The following GLCCI1 variants were observed in gnomAD, a reference collection of about 807,000 sequenced individuals.
GLCCI1 encodes glucocorticoid-induced transcript 1 protein.
A neutral mutation model predicts 52.2 loss-of-function variants in GLCCI1; 24 were observed. That is an observed-to-expected ratio of 0.46 (90% CI 0.33 to 0.65). The LOEUF (loss-of-function observed/expected upper bound fraction) is 0.65. Ranked by LOEUF, GLCCI1 falls within the 30% of genes least tolerant of loss-of-function variation. GLCCI1 has a pLI of 0.02. For missense variants in GLCCI1, 704 were observed against 701.5 expected, an observed-to-expected ratio of 1.00 and a Z score of -0.04; for synonymous variants, 310 against 276.5, an observed-to-expected ratio of 1.12 and a Z score of -1.20.
chr7:8,049,766 ACATT>A (rs1782216394), intron 3 of GLCCI1, among the ~76,000 whole-genome samples: 1 of 152,184 alleles, frequency 6.6e-6, no homozygotes, highest in African/African-American at 2.4e-5. Context: ...TTACAGTTGA[ACATT>A]CACACAGTAT....
intron 6 of GLCCI1, chr7:8,084,693 A>G (rs1238425852): frequency 6.1e-6 from 3 of 490,304 alleles, no homozygotes; most frequent in Non-Finnish European, 1.1e-5. Flanking sequence ...TTTATGTTCT[A>G]TGGTGTGGCA....
intron 2 of GLCCI1, among the ~76,000 whole-genome samples, chr7:8,017,774 C>G (rs574143418): frequency 1.3e-5 from 2 of 152,230 alleles, no homozygotes; most frequent in South Asian, 4.1e-4. Context: ...CTGCCTTTTT[C>G]TACACTCTTT....
chr7:8,017,076 A>G (rs1781394034), intron 2 of GLCCI1, among the ~76,000 whole-genome samples: 1 of 152,198 alleles, frequency 6.6e-6, no homozygotes, highest in Non-Finnish European at 1.5e-5. Flanking sequence ...CAAATAAGAA[A>G]TGGTACTTCA....
chr7:8,067,261 G>A (rs939024407), intron 5 of GLCCI1, among the ~76,000 whole-genome samples: 5 of 152,090 alleles, frequency 3.3e-5, no homozygotes, highest in African/African-American at 9.6e-5. Context: ...TATTTTGACC[G>A]CATGGGTGTC....
At chr7:8,038,708 A>T (rs1398986309) in intron 3 of GLCCI1, among the ~76,000 whole-genome samples, 1 of 152,192 alleles carries the variant, frequency 6.6e-6, no homozygotes, top group Non-Finnish European at 1.5e-5. Flanking sequence ...ACATTGGCCT[A>T]AGCAAAAAAT....
At chr7:8,077,868 T>G (rs6956039) in intron 6 of GLCCI1, among the ~76,000 whole-genome samples, 6,777 of 152,068 alleles carry the variant, frequency 0.045, 466 homozygotes, top group African/African-American at 0.15. Context: ...TACAGAACAG[T>G]AAGAAATTGA....
At chr7:8,054,248 T>C (rs1320205707) in intron 3 of GLCCI1, among the ~76,000 whole-genome samples, 4 of 152,158 alleles carry the variant, frequency 2.6e-5, no homozygotes, top group African/African-American at 9.6e-5. Flanking sequence ...TTTTGATTCA[T>C]TTTCTTGTAA....
At chr7:8,058,953 A>G (rs994593979) in intron 4 of GLCCI1, among the ~76,000 whole-genome samples, 3 of 152,230 alleles carry the variant, frequency 2.0e-5, no homozygotes, top group Non-Finnish European at 4.4e-5. Context: ...AGAAATGGTC[A>G]TTAATAAAAG....
In GLCCI1 at chr7:7,994,857, TATACATAGAG is replaced by T. The variant is rs1181624781; in HGVS notation, c.458-9045_458-9036del. 1.1e-4 allele frequency among the ~76,000 whole-genome samples: 16 copies of T among 152,338 alleles called. No individual in the cohort carries two copies. The East Asian group carries it at 2.7e-3, about 26-fold the overall frequency. ...GAAAATGCTACATATATTACATAGATATACATAGAGATACACACAAACACACACACACTCA... is the reference window on the plus strand; with the variant it reads ...GAAAATGCTACATATATTACATAGATATACACACAAACACACACACACTCA... On this transcript the variant is annotated intron_variant, in intron 1 of 7. Coordinates refer to ENST00000223145, the MANE Select transcript of GLCCI1 (RefSeq NM_138426.4).
intron 4 of GLCCI1, 97 bp from the exon 5 acceptor site, chr7:8,059,999 C>T (rs551217868): frequency 1.9e-5 from 19 of 1,027,016 alleles, no homozygotes; most frequent in East Asian, 1.0e-4. Flanking sequence ...GAAATAACTC[C>T]GTTCATTGAG....
chr7:8,051,305 C>T (rs1280142886), intron 3 of GLCCI1, among the ~76,000 whole-genome samples: 1 of 152,150 alleles, frequency 6.6e-6, no homozygotes, highest in East Asian at 1.9e-4. Flanking sequence ...TAGCTCATTC[C>T]TCTTTGCCAT....
Position 8,087,878 on chromosome 7 carries a change from T to C in GLCCI1, c.*1340T>C, listed in dbSNP as rs796462108. On this transcript the variant is annotated 3_prime_UTR_variant, in exon 8 of 8. Transcript: ENST00000223145. ...AAAATAGCCTTGAACTTGCAGACTTTTGACACAAGTTCTCCACAAAGTGTG... is the reference window on the plus strand; with the variant it reads ...AAAATAGCCTTGAACTTGCAGACTTCTGACACAAGTTCTCCACAAAGTGTG... 7 of 152,752 alleles carry C rather than the reference T, an allele frequency of 4.6e-5. No homozygotes were observed. Among genetic ancestry groups the C allele is most frequent in the African/African-American group, 1.7e-4 (7 of 41,584 alleles). 9.5% of individuals were successfully genotyped at this position (152,752 alleles called of 1,614,324 possible).
At chr7:8,049,815 G>T (rs1209573719) in intron 3 of GLCCI1, among the ~76,000 whole-genome samples, 2 of 152,160 alleles carry the variant, frequency 1.3e-5, no homozygotes, top group Non-Finnish European at 2.9e-5. Context: ...GGTTACAAAT[G>T]AAAGCTGTAG....
chr7:7,973,446 T>C (rs1011021700), intron 1 of GLCCI1, among the ~76,000 whole-genome samples: 4 of 88,610 alleles, frequency 4.5e-5, no homozygotes, highest in Non-Finnish European at 8.4e-5. Flanking sequence ...GTGTGTTTTG[T>C]AAAGATAGAT....
intron 6 of GLCCI1, among the ~76,000 whole-genome samples, chr7:8,083,961 A>G (rs1044840440): frequency 3.3e-5 from 5 of 152,246 alleles, no homozygotes; most frequent in African/African-American, 9.6e-5. Context: ...TACTGTTGCT[A>G]TCTTCCCAAT....
intron 3 of GLCCI1, among the ~76,000 whole-genome samples, chr7:8,028,884 C>T (rs746529979): frequency 2.8e-4 from 43 of 152,040 alleles, no homozygotes; most frequent in Non-Finnish European, 5.0e-4. Context: ...ATACATATAA[C>T]CTACCAAGAC....
intron 6 of GLCCI1, among the ~76,000 whole-genome samples, chr7:8,082,132 T>A (rs867548446): frequency 3.6e-4 from 55 of 152,338 alleles, no homozygotes; most frequent in Middle Eastern, 3.4e-3. Flanking sequence ...ATATTTATAA[T>A]GTTGTTATTG....
At chr7:8,010,600 T>C (rs1781244822) in intron 2 of GLCCI1, among the ~76,000 whole-genome samples, 1 of 152,192 alleles carries the variant, frequency 6.6e-6, no homozygotes, top group Non-Finnish European at 1.5e-5. Flanking sequence ...GTTATGTATT[T>C]TTGGGTTTTA....
At chr7:8,012,387 T>C (rs771735002) in intron 2 of GLCCI1, among the ~76,000 whole-genome samples, 4 of 151,238 alleles carry the variant, frequency 2.6e-5, no homozygotes, top group Admixed American at 6.6e-5. Context: ...ATCAGATACA[T>C]GGTTTGCAAA....
Sources: allele counts gnomAD v4.1 joint callset (sites outside exome capture counted in the v4.1 genomes callset), GRCh38; gene constraint gnomAD v4.1.1; transcripts MANE v1.5; gene names NCBI Gene and HGNC (gene_info 2026-07-23, HGNC 2026-07-21).